Variants in ARHGAP44 observed in about 807,000 individuals in gnomAD.
ARHGAP44 encodes the protein Rho GTPase activating protein 44, also known as rho GTPase-activating protein 44.
In ARHGAP44, 43 loss-of-function variants were observed where a neutral mutation model predicts 106.8. That is an observed-to-expected ratio of 0.40 (90% CI 0.32 to 0.52). The LOEUF (loss-of-function observed/expected upper bound fraction) is 0.52, where lower values mean the gene tolerates loss of function less well. Ranked by LOEUF, ARHGAP44 falls within the 20% of genes least tolerant of loss-of-function variation. ARHGAP44 has a pLI of 0.48. For synonymous variants in ARHGAP44, 439 were observed against 410.3 expected (o/e 1.07, Z -0.85); for missense variants, 866 against 1,050.5 (o/e 0.82, Z 2.43).
chr17:12,900,318 TG>T (rs1428032289), intron 3 of ARHGAP44, among the ~76,000 whole-genome samples: 1 of 151,836 alleles, frequency 6.6e-6, no homozygotes, highest in Non-Finnish European at 1.5e-5. Context: ...TTAGTAGAGA[TG>T]GGGTTTCACC....
intron 1 of ARHGAP44, among the ~76,000 whole-genome samples, chr17:12,842,512 A>G (rs1238110482): frequency 6.6e-6 from 1 of 152,140 alleles, no homozygotes; most frequent in East Asian, 1.9e-4. Context: ...GGCTGATGTG[A>G]AACCGTGGTT....
chr17:12,860,312 C>G (rs2036032615), intron 1 of ARHGAP44, among the ~76,000 whole-genome samples: 1 of 152,190 alleles, frequency 6.6e-6, no homozygotes, highest in African/African-American at 2.4e-5. Context: ...GTCAACAAGG[C>G]TCCTGACAAT....
At chr17:12,974,337 C>G (rs1431736611) in intron 18 of ARHGAP44, 27 bp downstream of exon 18, 1 of 1,383,756 alleles carries the variant, frequency 7.2e-7, no homozygotes, top group Non-Finnish European at 9.3e-7. Flanking sequence ...GCCGTCCGGG[C>G]GGGCTGGTGT....
intron 7 of ARHGAP44, among the ~76,000 whole-genome samples, chr17:12,934,582 C>T (rs959125490): frequency 1.3e-5 from 2 of 152,196 alleles, no homozygotes; most frequent in African/African-American, 4.8e-5. Context: ...TGGCCACACC[C>T]AGTGGGAAGC....
chr17:12,800,651 C>T (rs2034064932), intron 1 of ARHGAP44, among the ~76,000 whole-genome samples: 1 of 152,224 alleles, frequency 6.6e-6, no homozygotes, highest in African/African-American at 2.4e-5. Context: ...TCTGTGTCAT[C>T]TGTTGTCAGG....
intron 1 of ARHGAP44, among the ~76,000 whole-genome samples, chr17:12,885,219 A>C (rs1190993437): frequency 6.6e-6 from 1 of 152,160 alleles, no homozygotes; most frequent in African/African-American, 2.4e-5. Context: ...ATATTCTGTC[A>C]TATGCACCTA....
At chr17:12,929,469 C>T (rs2038337452) in intron 7 of ARHGAP44, 1 of 156,256 alleles carries the variant, frequency 6.4e-6, no homozygotes, top group Admixed American at 6.2e-5. Context: ...CTTTATCCAT[C>T]CTATGCCTCC....
chr17:12,841,457 G>A (rs982726226), intron 1 of ARHGAP44, among the ~76,000 whole-genome samples: 3 of 151,894 alleles, frequency 2.0e-5, no homozygotes, highest in African/African-American at 7.3e-5. Flanking sequence ...GTGGTGGTGT[G>A]TGCTGTAGAC....
At chr17:12,853,370 C>G (rs375443703) in intron 1 of ARHGAP44, among the ~76,000 whole-genome samples, 1 of 152,166 alleles carries the variant, frequency 6.6e-6, no homozygotes, top group African/African-American at 2.4e-5. Context: ...AGGACCGAAA[C>G]GTGTCATGAA....
rs963143626 is a variant in ARHGAP44, at chr17:12,990,602, A to G, written c.*431A>G. 3 of 162,946 alleles carry G rather than the reference A, an allele frequency of 1.8e-5. No homozygotes were observed. The highest frequency in any genetic ancestry group is 4.1e-5 in the Non-Finnish European group (3 of 73,516). The allele number at this position is 162,946 out of a possible 1,614,324, so 10.1% of individuals were successfully genotyped here. ...TGTCAGGTCTTGCAGGATCAGTTTA[A>G]TGGCCACAGAAAGGAAGCAGGACAG... On this transcript the variant is annotated 3_prime_UTR_variant, in exon 21 of 21. Coordinates refer to ENST00000379672, the MANE Select transcript of ARHGAP44 (RefSeq NM_014859.6).
At chr17:12,806,960 G>T (rs1445533844) in intron 1 of ARHGAP44, among the ~76,000 whole-genome samples, 1 of 152,110 alleles carries the variant, frequency 6.6e-6, no homozygotes, top group Admixed American at 6.6e-5. Context: ...TGGAAAGTCT[G>T]GTTAGAGGTA....
At chr17:12,976,317 A>G (rs2039680618) in intron 18 of ARHGAP44, among the ~76,000 whole-genome samples, 1 of 151,758 alleles carries the variant, frequency 6.6e-6, no homozygotes, top group East Asian at 1.9e-4. Flanking sequence ...TTAATGAGTA[A>G]AAAGTATTTT....
At chr17:12,913,382 A>G (rs2037798180) in intron 4 of ARHGAP44, among the ~76,000 whole-genome samples, 1 of 152,144 alleles carries the variant, frequency 6.6e-6, no homozygotes, top group Non-Finnish European at 1.5e-5. Context: ...AGGGAGAACA[A>G]ATAAGTGTGC....
intron 1 of ARHGAP44, among the ~76,000 whole-genome samples, chr17:12,880,538 A>G (rs2036696456): frequency 6.6e-6 from 1 of 152,094 alleles, no homozygotes; most frequent in Non-Finnish European, 1.5e-5. Flanking sequence ...TTGTACCTCT[A>G]AGAGTCACTC....
chr17:12,978,112 G>A (rs2039740814), intron 18 of ARHGAP44, among the ~76,000 whole-genome samples: 1 of 149,392 alleles, frequency 6.7e-6, no homozygotes, highest in Admixed American at 6.7e-5. Context: ...TCCTTGGATA[G>A]ATGTGTGTCC....
intron 17 of ARHGAP44, 40 bp from the exon 18 acceptor site, chr17:12,974,049 G>T: frequency 6.5e-7 from 1 of 1,541,554 alleles, no homozygotes; most frequent in Non-Finnish European, 8.8e-7. Context: ...CCTGTCATCT[G>T]TTACGCGTGG....
intron 1 of ARHGAP44, among the ~76,000 whole-genome samples, chr17:12,815,911 GATGGAACT>G (rs1291444327): frequency 6.6e-6 from 1 of 152,176 alleles, no homozygotes; most frequent in Non-Finnish European, 1.5e-5. Context: ...TCACTGGACA[GATGGAACT>G]ATTTAGAAGG....
chr17:12,901,611 G>C (rs551514749), intron 3 of ARHGAP44, among the ~76,000 whole-genome samples: 1 of 152,074 alleles, frequency 6.6e-6, no homozygotes, highest in Non-Finnish European at 1.5e-5. Context: ...ATGAAGAAGA[G>C]AGAGAGGTCT....
intron 1 of ARHGAP44, among the ~76,000 whole-genome samples, chr17:12,841,626 ACACACAC>A (rs753873548): frequency 5.7e-5 from 8 of 140,292 alleles, no homozygotes; most frequent in Non-Finnish European, 1.1e-4. Flanking sequence ...ACACACACAC[ACACACAC>A]ACACACAAAC....
Sources: allele counts gnomAD v4.1 joint callset (sites outside exome capture counted in the v4.1 genomes callset), GRCh38; gene constraint gnomAD v4.1.1; transcripts MANE v1.5; gene names NCBI Gene and HGNC (gene_info 2026-07-23, HGNC 2026-07-21).